AGBL1: variants seen among roughly 807,000 people sequenced by gnomAD.
AGBL1 encodes the protein cytosolic carboxypeptidase 4.
AGBL1 carries 130 observed loss-of-function variants against 118.9 expected under a neutral mutation model. The observed-to-expected ratio is 1.09, with a 90% CI of 0.95 to 1.26. The LOEUF (loss-of-function observed/expected upper bound fraction) is 1.26, where lower values mean the gene tolerates loss of function less well. AGBL1 is among the 50% of genes most tolerant of loss of function. The pLI, the probability that AGBL1 is intolerant of heterozygous loss-of-function variation, is 0.00. For synonymous variants in AGBL1, 555 were observed against 478.9 expected (o/e 1.16, Z -2.08); for missense variants, 1,584 against 1,298.1 (o/e 1.22, Z -3.38).
intron 24 of AGBL1, among the ~76,000 whole-genome samples, chr15:87,009,434 G>A (rs2081536089): frequency 6.6e-6 from 1 of 152,206 alleles, no homozygotes; most frequent in African/African-American, 2.4e-5. Context: ...GGATGCCCAG[G>A]CAGAAGTTTG....
rs551615313 is a variant in AGBL1, at chr15:86,343,581, C to T, written c.2374+48173C>T. ...GCCTCATGGTAGAGTGGATTCAATC[C>T]AAATAGCATTGAAATCATGTTTGTG... On this transcript the variant is annotated intron_variant, in intron 17 of 22. Coordinates refer to ENST00000614907, the MANE Select transcript of AGBL1 (RefSeq NM_001386094.1). Among the ~76,000 whole-genome samples the T allele has an allele frequency of 2.6e-5, 4 of 152,252 alleles. No homozygotes were observed. The South Asian group carries it at 6.2e-4, about 24-fold the overall frequency.
intron 21 of AGBL1, among the ~76,000 whole-genome samples, chr15:86,579,601 A>G (rs2084145875): frequency 6.6e-6 from 1 of 152,198 alleles, no homozygotes; most frequent in Non-Finnish European, 1.5e-5. Context: ...AGAAAAAAAG[A>G]GCCTTATGAG....
intron 5 of AGBL1, among the ~76,000 whole-genome samples, chr15:86,178,095 C>T (rs964030130): frequency 2.0e-5 from 3 of 152,152 alleles, no homozygotes; most frequent in Non-Finnish European, 4.4e-5. Flanking sequence ...GGGCAGATCA[C>T]GAGGTCAGCA....
chr15:86,560,574 A>C (rs1003191789), intron 21 of AGBL1, among the ~76,000 whole-genome samples: 2 of 152,188 alleles, frequency 1.3e-5, no homozygotes, highest in African/African-American at 2.4e-5. Flanking sequence ...ACTCTTTGCT[A>C]TTGTGAATAG....
At chr15:86,760,507 G>A (rs1020577879) in intron 22 of AGBL1, among the ~76,000 whole-genome samples, 3 of 151,978 alleles carry the variant, frequency 2.0e-5, no homozygotes, top group Non-Finnish European at 2.9e-5. Context: ...GGTGCATTAC[G>A]GAAAAACACA....
intron 22 of AGBL1, among the ~76,000 whole-genome samples, chr15:86,882,755 C>T (rs1459388541): frequency 1.3e-5 from 2 of 152,106 alleles, no homozygotes; most frequent in Non-Finnish European, 2.9e-5. Flanking sequence ...AACTAAACGA[C>T]AACTCACTGG....
intron 9 of AGBL1, among the ~76,000 whole-genome samples, chr15:86,258,389 C>T (rs1044457169): frequency 6.8e-4 from 103 of 152,130 alleles, no homozygotes; most frequent in African/African-American, 2.5e-3. Context: ...AGCTTTCTGC[C>T]TTTGTAAGTC....
rs1321116881 is a variant in AGBL1 at position 86,956,607 on chromosome 15, C to T, written c.3222-31380C>T. On this transcript the variant is annotated intron_variant, in intron 23 of 24. Transcript: ENST00000441037. ...CAGATCAGATGCGGTCCATCCATGT[C>T]ATGGAGAGTGATCTGTTTTACTTAA... Among the ~76,000 whole-genome samples the T allele has an allele frequency of 3.3e-5, 5 of 152,172 alleles. No individual in the cohort carries two copies. In the East Asian group the frequency reaches 7.7e-4, roughly 23 times the overall value.
intron 21 of AGBL1, among the ~76,000 whole-genome samples, chr15:86,611,182 A>T (rs972524593): frequency 3.0e-4 from 45 of 152,328 alleles, no homozygotes; most frequent in African/African-American, 9.9e-4. Context: ...TATATGATAT[A>T]GGTATGCTCA....
At position 86,213,680 on chromosome 15, in the gene AGBL1, A is replaced by T. The variant is rs190977281; in HGVS notation, c.489-11234A>T. Among the ~76,000 whole-genome samples the T allele has an allele frequency of 7.5e-4, 114 of 152,292 alleles. 1 individual carries two copies. The highest frequency in any genetic ancestry group is 2.7e-3 in the East Asian group (14 of 5,180). On this transcript the variant is annotated intron_variant, in intron 5 of 22. Coordinates refer to ENST00000614907, the MANE Select transcript of AGBL1 (RefSeq NM_001386094.1). ...CTGTACCCCTCTTTCCCACAGACCC[A>T]AGCAACTTTTAAAAAGAGGGATGAC...
intron 14 of AGBL1, among the ~76,000 whole-genome samples, chr15:86,270,330 G>A (rs1421756866): frequency 6.6e-6 from 1 of 152,132 alleles, no homozygotes; most frequent in East Asian, 1.9e-4. Context: ...TTTGAGGTTG[G>A]TGAGCGTTCT....
At chr15:86,847,753 T>G (rs2079339571) in intron 22 of AGBL1, among the ~76,000 whole-genome samples, 1 of 152,298 alleles carries the variant, frequency 6.6e-6, no homozygotes, top group South Asian at 2.1e-4. Context: ...TATGCAGACT[T>G]GGAGTCAGAC....
intron 18 of AGBL1, among the ~76,000 whole-genome samples, chr15:86,424,137 C>T (rs372691704): frequency 6.6e-6 from 1 of 152,156 alleles, no homozygotes; most frequent in Admixed American, 6.6e-5. Context: ...ATCTATACTA[C>T]AAGGCTACAG....
chr15:86,687,565 A>G (rs2086082271), intron 22 of AGBL1, among the ~76,000 whole-genome samples: 1 of 152,174 alleles, frequency 6.6e-6, no homozygotes, highest in African/African-American at 2.4e-5. Context: ...TAATATTTTA[A>G]TATAGTCATG....
intron 24 of AGBL1, among the ~76,000 whole-genome samples, chr15:87,003,190 G>C (rs1361254991): frequency 6.6e-6 from 1 of 151,768 alleles, no homozygotes; most frequent in African/African-American, 2.4e-5. Flanking sequence ...AGTATGAAGG[G>C]CTGTTGAATT....
At chr15:86,955,015 A>G (rs1423442913) in intron 23 of AGBL1, among the ~76,000 whole-genome samples, 1 of 152,108 alleles carries the variant, frequency 6.6e-6, no homozygotes, top group Non-Finnish European at 1.5e-5. Context: ...AACTTCTCAT[A>G]CAGTATAAGA....
intron 22 of AGBL1, among the ~76,000 whole-genome samples, chr15:86,693,244 C>T (rs2086201889): frequency 6.6e-6 from 1 of 152,044 alleles, no homozygotes; most frequent in Non-Finnish European, 1.5e-5. Context: ...AAAGTATTCT[C>T]TTTTCACTGC....
chr15:86,961,315 A>C (rs1348255436), intron 23 of AGBL1, among the ~76,000 whole-genome samples: 1 of 152,162 alleles, frequency 6.6e-6, no homozygotes, highest in East Asian at 1.9e-4. Flanking sequence ...TTAGAAAAGA[A>C]AAAAAAAGCC....
intron 21 of AGBL1, among the ~76,000 whole-genome samples, chr15:86,596,717 C>T (rs1012944101): frequency 2.0e-5 from 3 of 152,176 alleles, no homozygotes; most frequent in African/African-American, 7.2e-5. Flanking sequence ...ATCTTACCTT[C>T]ACCTTCAGAG....
Sources: gnomAD v4.1 joint callset for allele counts (sites outside exome capture counted in the v4.1 genomes callset) on GRCh38, gnomAD v4.1.1 for gene constraint, MANE v1.5 for transcripts, NCBI Gene and HGNC (gene_info 2026-07-23, HGNC 2026-07-21) for gene names.